The following OPHN1 variants were observed in gnomAD, a reference collection of about 807,000 sequenced individuals.
OPHN1 encodes the protein oligophrenin-1.
Under a neutral mutation model 60.7 loss-of-function variants are expected in OPHN1, and 11 were observed. The ratio of observed to expected loss-of-function variants is 0.18; its 90% confidence interval spans 0.11 to 0.30. OPHN1 has a LOEUF of 0.30. Ranked by LOEUF, OPHN1 falls within the 10% of genes least tolerant of loss-of-function variation. The pLI is 1.00. For synonymous variants in OPHN1, 226 were observed against 222.6 expected (o/e 1.02, Z -0.14); for missense variants, 449 against 611.0 (o/e 0.73, Z 2.80).
intron 15 of OPHN1, among the ~76,000 whole-genome samples, chrX:68,150,251 A>C (rs1319308132): frequency 8.9e-6 from 1 of 111,812 alleles, no homozygotes; most frequent in Admixed American, 9.5e-5. Context: ...TGGCAGCTGC[A>C]CAACACTGTA....
chrX:68,381,420 G>T (rs922172229), intron 2 of OPHN1, among the ~76,000 whole-genome samples: 4 of 111,582 alleles, frequency 3.6e-5, no homozygotes, highest in African/African-American at 1.3e-4. Context: ...CACATAGTAA[G>T]CGCTCAACAA....
intron 18 of OPHN1, among the ~76,000 whole-genome samples, chrX:68,109,341 G>A (rs2077094647): frequency 9.0e-6 from 1 of 111,341 alleles, no homozygotes; most frequent in African/African-American, 3.3e-5. Flanking sequence ...GTTGTGGCAT[G>A]TATCAGTACT....
chrX:68,058,657 G>T (rs2076882370), intron 21 of OPHN1, among the ~76,000 whole-genome samples: 1 of 111,785 alleles, frequency 8.9e-6, no homozygotes, highest in South Asian at 3.8e-4. Context: ...TTCCATGTCT[G>T]CCATTTCCTA....
intron 10 of OPHN1, among the ~76,000 whole-genome samples, chrX:68,206,219 A>G (rs1372132570): frequency 1.8e-5 from 2 of 111,686 alleles, no homozygotes; most frequent in Non-Finnish European, 3.8e-5. Context: ...GGAATTTTGG[A>G]ATTCAATTCA....
chrX:68,142,553 G>A (rs1010784122), intron 15 of OPHN1, among the ~76,000 whole-genome samples: 18 of 111,891 alleles, frequency 1.6e-4, no homozygotes, highest in Non-Finnish European at 3.0e-4. Context: ...ATGAAATTAT[G>A]TGAAAAATAT....
chrX:68,255,686 C>A (rs920673161), intron 5 of OPHN1, among the ~76,000 whole-genome samples: 5 of 109,908 alleles, frequency 4.5e-5, no homozygotes, highest in African/African-American at 1.7e-4. Context: ...CCCGTACAAT[C>A]ATATAAGAGA....
intron 2 of OPHN1, among the ~76,000 whole-genome samples, chrX:68,426,834 G>A (rs1461127990): frequency 1.0e-5 from 1 of 97,272 alleles, no homozygotes; most frequent in Non-Finnish European, 2.1e-5. Context: ...TGGTGCCACT[G>A]TACTTAAAAG....
At chrX:68,224,559 A>G (rs2077680218) in intron 6 of OPHN1, among the ~76,000 whole-genome samples, 1 of 112,156 alleles carries the variant, frequency 8.9e-6, no homozygotes, top group Admixed American at 9.5e-5. Context: ...ATGAAAACAC[A>G]ATTTAATATT....
At chrX:68,241,611 A>G (rs1263172172) in intron 5 of OPHN1, among the ~76,000 whole-genome samples, 1 of 111,883 alleles carries the variant, frequency 8.9e-6, no homozygotes, top group Non-Finnish European at 1.9e-5. Context: ...AAAACATAAA[A>G]TGAACTCTTA....
At chrX:68,214,061 A>G (rs778335199) in intron 6 of OPHN1, 89 bp from the exon 7 acceptor site, 28 of 558,688 alleles carry the variant, frequency 5.0e-5, no homozygotes, top group Non-Finnish European at 8.1e-5. Context: ...CTAGAGCTAG[A>G]TGAGCATTTA....
chrX:68,158,103 T>C (rs191776122), intron 15 of OPHN1, among the ~76,000 whole-genome samples: 222 of 111,964 alleles, frequency 2.0e-3, no homozygotes, highest in African/African-American at 6.8e-3. Flanking sequence ...TACAGGTGCC[T>C]GCCAAAGAGG....
intron 19 of OPHN1, among the ~76,000 whole-genome samples, chrX:68,091,305 C>T (rs938819731): frequency 8.9e-6 from 1 of 111,774 alleles, no homozygotes; most frequent in African/African-American, 3.3e-5. Flanking sequence ...AGAACCACTG[C>T]TTTCTAGCTC....
At chrX:68,084,657 C>T (rs181214009) in intron 19 of OPHN1, among the ~76,000 whole-genome samples, 1 of 110,807 alleles carries the variant, frequency 9.0e-6, no homozygotes, top group East Asian at 2.9e-4. Context: ...AGAAGCTACC[C>T]AGGCCTTAAG....
intron 15 of OPHN1, among the ~76,000 whole-genome samples, chrX:68,125,415 T>C (rs1317626329): frequency 4.5e-5 from 5 of 111,365 alleles, no homozygotes; most frequent in Non-Finnish European, 9.4e-5. Context: ...TCTGAAAAGA[T>C]ACATAAAATT....
intron 2 of OPHN1, among the ~76,000 whole-genome samples, chrX:68,377,746 C>T (rs1238237873): frequency 9.0e-6 from 1 of 110,947 alleles, no homozygotes; most frequent in Non-Finnish European, 1.9e-5. Flanking sequence ...CATGTCCCTA[C>T]AAAGGACATG....
intron 15 of OPHN1, among the ~76,000 whole-genome samples, chrX:68,129,156 A>T (rs2077183616): frequency 8.9e-6 from 1 of 112,223 alleles, no homozygotes; most frequent in South Asian, 3.7e-4. Flanking sequence ...ACTTCTAAAC[A>T]TATGTAGAAA....
At chrX:68,182,125 G>C (rs1475333417) in intron 15 of OPHN1, among the ~76,000 whole-genome samples, 2 of 108,830 alleles carry the variant, frequency 1.8e-5, no homozygotes, top group African/African-American at 6.7e-5. Context: ...GTGAGGAACA[G>C]ACTGGGAGTG....
In OPHN1 at chrX:68,387,094, C is replaced by G. The variant is rs755162668; in HGVS notation, c.154+45773G>C. On this transcript the variant is annotated intron_variant, in intron 2 of 24. Transcript: ENST00000355520. ...AATGAAGCCAGACCACCAAAAGCTACTCTTGTTTTATTCATTTCAAATAGG... is the reference window on the plus strand; with the variant it reads ...AATGAAGCCAGACCACCAAAAGCTAGTCTTGTTTTATTCATTTCAAATAGG... 9.0e-5 allele frequency among the ~76,000 whole-genome samples: 10 copies of G among 111,579 alleles called. No individual in the cohort carries two copies. In the East Asian group the frequency reaches 2.8e-3, roughly 32 times the overall value.
chrX:68,063,834 T>C lies in OPHN1; in HGVS notation c.2158+20A>G. On this transcript the variant is annotated intron_variant, in intron 21 of 24. Coordinates refer to ENST00000355520, the MANE Select transcript of OPHN1 (RefSeq NM_002547.3). ...TAGTTAGGGTCAGCTCTGGCTCCCA[T>C]GGGATTCCCAAGCACTTACCCTCCT... is the stretch of plus-strand genomic sequence containing the variant. The C allele has an allele frequency of 8.8e-7, 1 of 1,137,199 alleles. No homozygotes were observed. The highest frequency in any genetic ancestry group is 1.2e-6 in the Non-Finnish European group (1 of 853,706). 93.7% of individuals were successfully genotyped at this position (1,137,199 alleles called of 1,213,427 possible).
Sources: allele counts gnomAD v4.1 joint callset (sites outside exome capture counted in the v4.1 genomes callset), GRCh38; gene constraint gnomAD v4.1.1; transcripts MANE v1.5; gene names NCBI Gene and HGNC (gene_info 2026-07-23, HGNC 2026-07-21).